Variants in YTHDC2 observed in about 807,000 individuals in gnomAD.
YTHDC2 encodes YTH N6-methyladenosine RNA binding protein C2, also known as 3'-5' RNA helicase YTHDC2.
A neutral mutation model predicts 174.9 loss-of-function variants in YTHDC2; 45 were observed. That is an observed-to-expected ratio of 0.26 (90% CI 0.20 to 0.33). YTHDC2 has a LOEUF of 0.33. Ranked by LOEUF, YTHDC2 falls within the 10% of genes least tolerant of loss-of-function variation. The pLI is 1.00. For synonymous variants in YTHDC2, 657 were observed against 574.5 expected, an observed-to-expected ratio of 1.14 and a Z score of -2.05; for missense variants, 1,650 against 1,723.7, an observed-to-expected ratio of 0.96 and a Z score of 0.76.
chr5:113,515,676 A>C (rs1773371643), intron 2 of YTHDC2, among the ~76,000 whole-genome samples: 1 of 152,250 alleles, frequency 6.6e-6, no homozygotes, highest in African/African-American at 2.4e-5. Context: ...GAAAAACATA[A>C]GCTTATTAAG....
chr5:113,546,086 A>G (rs1362762500), intron 10 of YTHDC2, among the ~76,000 whole-genome samples: 1 of 151,852 alleles, frequency 6.6e-6, no homozygotes, highest in Non-Finnish European at 1.5e-5. Flanking sequence ...AAGTGTAGAT[A>G]TTTGTTCATC....
chr5:113,541,252 C>T (rs890882358), intron 9 of YTHDC2, 136 bp downstream of exon 9: 24 of 959,150 alleles, frequency 2.5e-5, no homozygotes, highest in Admixed American at 1.8e-4. Flanking sequence ...AGTGGAGTGG[C>T]GTGATCTCGG....
intron 4 of YTHDC2, among the ~76,000 whole-genome samples, chr5:113,528,412 T>G (rs1253475048): frequency 6.6e-6 from 1 of 152,256 alleles, no homozygotes; most frequent in Non-Finnish European, 1.5e-5. Context: ...TAGTATTTTA[T>G]CTTGCCTTTA....
At chr5:113,586,170 G>A (rs1284095349) in intron 26 of YTHDC2, among the ~76,000 whole-genome samples, 2 of 152,012 alleles carry the variant, frequency 1.3e-5, no homozygotes, top group Middle Eastern at 3.4e-3. Flanking sequence ...ACAATATTTG[G>A]CATTTTAGCT....
intron 8 of YTHDC2, 149 bp downstream of exon 8, chr5:113,539,330 C>T (rs1561645728): frequency 2.7e-6 from 1 of 367,760 alleles, no homozygotes; most frequent in Non-Finnish European, 4.9e-6. Context: ...AATATTGTCC[C>T]AAATATTCCT....
chr5:113,581,778 T>C, intron 25 of YTHDC2, 69 bp downstream of exon 25: 3 of 1,260,708 alleles, frequency 2.4e-6, no homozygotes, highest in Non-Finnish European at 3.1e-6. Flanking sequence ...TATCTTAGAA[T>C]CATGTGCTTT....
At chr5:113,567,338 A>G (rs771124825) in intron 22 of YTHDC2, 41 bp downstream of exon 22, 50 of 1,523,474 alleles carry the variant, frequency 3.3e-5, no homozygotes, top group Non-Finnish European at 4.0e-5. Flanking sequence ...AGGTGAAACT[A>G]ATTTAGGTAG....
chr5:113,542,189 C>G (rs1009033555), intron 9 of YTHDC2, among the ~76,000 whole-genome samples, 179 bp from the exon 10 acceptor site: 1 of 152,112 alleles, frequency 6.6e-6, no homozygotes, highest in Non-Finnish European at 1.5e-5. Context: ...AGTATAAGGA[C>G]TAGATACTGT....
At chr5:113,515,985 G>A (rs1327525506) in intron 2 of YTHDC2, among the ~76,000 whole-genome samples, 1 of 152,170 alleles carries the variant, frequency 6.6e-6, no homozygotes, top group Non-Finnish European at 1.5e-5. Flanking sequence ...GGGGAAGGCG[G>A]AGTTTTTCTT....
At chr5:113,546,829 T>TA (rs760882150) in intron 10 of YTHDC2, among the ~76,000 whole-genome samples, 9 of 152,204 alleles carry the variant, frequency 5.9e-5, no homozygotes, top group Non-Finnish European at 8.8e-5. Flanking sequence ...AAGCCTCACT[T>TA]ACATAGCTTT....
intron 23 of YTHDC2, among the ~76,000 whole-genome samples, chr5:113,570,816 A>G (rs538047782): frequency 2.0e-5 from 3 of 150,586 alleles, no homozygotes; most frequent in South Asian, 2.1e-4. Flanking sequence ...ATACTCCACT[A>G]ATTTTTTTTG....
chr5:113,532,941 T>C lies in YTHDC2; in HGVS notation c.738T>C (p.Thr246=), dbSNP rs1774779026. 5 of 1,614,214 alleles carry C rather than the reference T, an allele frequency of 3.1e-6. No individual in the cohort carries two copies. The highest frequency in any genetic ancestry group is 4.2e-6 in the Non-Finnish European group (5 of 1,180,030). The change falls in exon 5 of 30, where the codon ACT becomes ACC. Residue 246 remains threonine (T), a synonymous_variant. Transcript: ENST00000161863. ...KNGIPCRIFC[T]QPRRLAAIAV... ...GTATCCCCTGCCGTATATTTTGTAC[T>C]CAACCAAGACGATTGGCAGCTATCG...
chr5:113,535,537 C>T, intron 6 of YTHDC2, 105 bp from the exon 7 acceptor site: 1 of 1,103,228 alleles, frequency 9.1e-7, no homozygotes, highest in Admixed American at 2.9e-5. Flanking sequence ...GCCTTGTCCA[C>T]ATTTAATTTG....
Position 113,554,021 on chromosome 5 carries a change from A to C in YTHDC2, c.2132A>C (p.Glu711Ala), listed in dbSNP as rs956813172. ...VFVIDSGKVK[E>A]KSFDALNFVT... Reference sequence around the variant, plus strand: ...GTTATTGATTCTGGTAAGGTGAAAGAGGTATGTATGGGTAAGTTGTAGTTT... The same window carrying C: ...GTTATTGATTCTGGTAAGGTGAAAGCGGTATGTATGGGTAAGTTGTAGTTT... Residue 711 changes from glutamate (E) to alanine (A), a missense_variant and splice_region_variant, in exon 16 of 30, where the codon GAG (glutamate) becomes GCG (alanine). Glu to Ala is a moderately radical substitution (Grantham distance 107, BLOSUM62 -1). Coordinates refer to ENST00000161863, the MANE Select transcript of YTHDC2 (RefSeq NM_022828.5). The C allele has an allele frequency of 6.5e-7, 1 of 1,546,506 alleles. No homozygotes were observed. Among genetic ancestry groups the C allele is most frequent in the Non-Finnish European group, 8.7e-7 (1 of 1,148,632 alleles).
At chr5:113,540,858 A>G in intron 8 of YTHDC2, 110 bp from the exon 9 acceptor site, 1 of 1,044,662 alleles carries the variant, frequency 9.6e-7, no homozygotes, top group African/African-American at 1.6e-5. Flanking sequence ...ACTACAGAAT[A>G]AGACCAACTT....
chr5:113,579,437 CAT>C (rs1778259912), intron 23 of YTHDC2, 147 bp from the exon 24 acceptor site: 2 of 473,574 alleles, frequency 4.2e-6, no homozygotes, highest in African/African-American at 4.0e-5. Context: ...TGAGATTTAA[CAT>C]GTGATCTTTT....
intron 23 of YTHDC2, among the ~76,000 whole-genome samples, chr5:113,571,154 T>A (rs758597429): frequency 5.9e-5 from 9 of 152,226 alleles, no homozygotes; most frequent in Non-Finnish European, 8.8e-5. Context: ...GATATGTTCC[T>A]TTACTACCTA....
intron 21 of YTHDC2, among the ~76,000 whole-genome samples, 171 bp downstream of exon 21, chr5:113,566,190 T>C (rs1009669751): frequency 1.3e-5 from 2 of 152,166 alleles, no homozygotes; most frequent in African/African-American, 2.4e-5. Flanking sequence ...CAACTTTTGC[T>C]TGTTGATGAA....
intron 4 of YTHDC2, among the ~76,000 whole-genome samples, chr5:113,530,480 CA>C (rs1774579129): frequency 6.6e-6 from 1 of 152,028 alleles, no homozygotes; most frequent in South Asian, 2.1e-4. Flanking sequence ...ACAACTAAAC[CA>C]AGTCCACTTT....
Sources: gnomAD v4.1 joint callset for allele counts (sites outside exome capture counted in the v4.1 genomes callset) on GRCh38, gnomAD v4.1.1 for gene constraint, MANE v1.5 for transcripts, NCBI Gene and HGNC (gene_info 2026-07-23, HGNC 2026-07-21) for gene names.